Variants in PLCL1 observed in about 807,000 individuals in gnomAD.
PLCL1 encodes inactive phospholipase C-like protein 1.
PLCL1 carries 41 observed loss-of-function variants against 84.4 expected under a neutral mutation model. That is an observed-to-expected ratio of 0.49 (90% CI 0.38 to 0.63). PLCL1 has a LOEUF of 0.63. Ranked by LOEUF, PLCL1 falls within the 30% of genes least tolerant of loss-of-function variation. The probability of loss-of-function intolerance (pLI) is 0.00; values close to 1 mark genes in which losing one functional copy is unlikely to be tolerated. For synonymous variants in PLCL1, 490 were observed against 488.3 expected (o/e 1.00, Z -0.05); for missense variants, 1,206 against 1,367.8 (o/e 0.88, Z 1.87).
At chr2:197,916,121 G>C (rs1688594108) in intron 1 of PLCL1, among the ~76,000 whole-genome samples, 1 of 152,196 alleles carries the variant, frequency 6.6e-6, no homozygotes, top group Non-Finnish European at 1.5e-5. Context: ...TACTTGGTAG[G>C]AGTACATTTT....
chr2:197,915,442 A>G (rs577126785), intron 1 of PLCL1, among the ~76,000 whole-genome samples: 62 of 151,486 alleles, frequency 4.1e-4, no homozygotes, highest in Non-Finnish European at 8.5e-4. Flanking sequence ...GTCAGAAGAC[A>G]CTCTTTCCAA....
At chr2:198,100,832 A>G (rs1200032800) in intron 3 of PLCL1, among the ~76,000 whole-genome samples, 1 of 151,814 alleles carries the variant, frequency 6.6e-6, no homozygotes, top group Non-Finnish European at 1.5e-5. Flanking sequence ...GACAGGGAGG[A>G]TAAAATGGAG....
intron 1 of PLCL1, among the ~76,000 whole-genome samples, chr2:198,002,742 T>C (rs1690632333): frequency 6.6e-6 from 1 of 152,228 alleles, no homozygotes; most frequent in South Asian, 2.1e-4. Context: ...TTGAGTGTTC[T>C]GCTCTTTAGG....
At chr2:198,040,170 T>A (rs1346451012) in intron 1 of PLCL1, among the ~76,000 whole-genome samples, 1 of 152,152 alleles carries the variant, frequency 6.6e-6, no homozygotes, top group Admixed American at 6.6e-5. Context: ...TAGAGCATGC[T>A]GATATTCTCA....
intron 1 of PLCL1, among the ~76,000 whole-genome samples, chr2:198,065,506 A>G (rs1008183985): frequency 1.3e-5 from 2 of 152,152 alleles, no homozygotes; most frequent in African/African-American, 2.4e-5. Flanking sequence ...TGGCTTATCA[A>G]TGATGCATTA....
At chr2:197,962,706 T>G (rs1206454695) in intron 1 of PLCL1, among the ~76,000 whole-genome samples, 1 of 152,026 alleles carries the variant, frequency 6.6e-6, no homozygotes, top group Non-Finnish European at 1.5e-5. Flanking sequence ...AAGTATGATT[T>G]TGTACCCATT....
chr2:197,922,542 G>A (rs1488826892), intron 1 of PLCL1, among the ~76,000 whole-genome samples: 27 of 128,084 alleles, frequency 2.1e-4, no homozygotes, highest in Non-Finnish European at 3.3e-4. Flanking sequence ...CCTCCCAGAC[G>A]GGGTGGTGGC....
intron 1 of PLCL1, among the ~76,000 whole-genome samples, chr2:197,849,667 G>GT (rs1051548361): frequency 7.3e-5 from 6 of 81,910 alleles, no homozygotes; most frequent in South Asian, 1.1e-3. Context: ...ACCTTAAAAT[G>GT]TTTTTTTTCT....
Position 197,951,003 on chromosome 2 carries a change from T to C in PLCL1, c.241-132755T>C, listed in dbSNP as rs570506916. 7.9e-5 allele frequency among the ~76,000 whole-genome samples: 12 copies of C among 152,208 alleles called. No individual in the cohort carries two copies. The South Asian group carries it at 2.3e-3, about 29-fold the overall frequency. ...AAATATTGTATTGTGTTCCCTTCTGTAGAAGTTGCTACTTAGGAGGCTGTT... is the reference window on the plus strand; with the variant it reads ...AAATATTGTATTGTGTTCCCTTCTGCAGAAGTTGCTACTTAGGAGGCTGTT... On this transcript the variant is annotated intron_variant, in intron 1 of 5. Coordinates refer to ENST00000428675, the MANE Select transcript of PLCL1 (RefSeq NM_006226.4).
intron 1 of PLCL1, among the ~76,000 whole-genome samples, chr2:198,030,621 T>C (rs1691387658): frequency 6.6e-6 from 1 of 152,172 alleles, no homozygotes; most frequent in Admixed American, 6.5e-5. Flanking sequence ...ACTATGTGCC[T>C]GAAGTGGTGT....
chr2:197,826,148 C>T (rs974330132), intron 1 of PLCL1, among the ~76,000 whole-genome samples: 7 of 152,322 alleles, frequency 4.6e-5, no homozygotes, highest in Middle Eastern at 3.4e-3. Context: ...CTGCCGCTAT[C>T]TCTTAATCAA....
chr2:198,145,106 G>A (rs1298456883), intron 5 of PLCL1, among the ~76,000 whole-genome samples: 1 of 152,164 alleles, frequency 6.6e-6, no homozygotes, highest in Non-Finnish European at 1.5e-5. Flanking sequence ...CACTGAGCAA[G>A]CACTTCATAT....
At chr2:197,812,244 T>C (rs1257394335) in intron 1 of PLCL1, among the ~76,000 whole-genome samples, 1 of 152,220 alleles carries the variant, frequency 6.6e-6, no homozygotes, top group Non-Finnish European at 1.5e-5. Context: ...TTTTTGCTAT[T>C]GTGAAGAGTG....
intron 1 of PLCL1, among the ~76,000 whole-genome samples, chr2:198,072,904 C>T (rs936956671): frequency 2.0e-5 from 3 of 152,090 alleles, no homozygotes; most frequent in Non-Finnish European, 4.4e-5. Context: ...ATTCACTTCT[C>T]TGGAATTTTA....
At chr2:197,972,193 C>T (rs1008294713) in intron 1 of PLCL1, among the ~76,000 whole-genome samples, 5 of 152,148 alleles carry the variant, frequency 3.3e-5, no homozygotes, top group African/African-American at 1.2e-4. Context: ...AGGGCACATG[C>T]TGAGTAATAT....
chr2:197,912,960 A>T (rs4850440), intron 1 of PLCL1, among the ~76,000 whole-genome samples: 7 of 112,098 alleles, frequency 6.2e-5, no homozygotes, highest in South Asian at 2.9e-4. Context: ...ATAAAAAAAA[A>T]TTAAAAAAAA....
In PLCL1 at chr2:197,901,333, A is replaced by C. The variant is rs147806651; in HGVS notation, c.240+95994A>C. On this transcript the variant is annotated intron_variant, in intron 1 of 5. Transcript: ENST00000428675. ...TCTAGCAGAAAAGGCAAAAATATACAATCTTTTTGATACAGGTCAGTACTG... is the reference window on the plus strand; with the variant it reads ...TCTAGCAGAAAAGGCAAAAATATACCATCTTTTTGATACAGGTCAGTACTG... Among the ~76,000 whole-genome samples the C allele has an allele frequency of 3.8e-3, 583 of 152,364 alleles. 3 individuals carry two copies. Among genetic ancestry groups the C allele is most frequent in the African/African-American group, 0.013 (559 of 41,580 alleles).
intron 1 of PLCL1, among the ~76,000 whole-genome samples, chr2:197,852,797 C>T (rs1008547171): frequency 2.0e-5 from 3 of 152,146 alleles, no homozygotes; most frequent in East Asian, 1.9e-4. Context: ...AATCCCAGAG[C>T]AGCCACTAGG....
chr2:197,885,909 A>G (rs1687914333), intron 1 of PLCL1, among the ~76,000 whole-genome samples: 1 of 152,228 alleles, frequency 6.6e-6, no homozygotes, highest in African/African-American at 2.4e-5. Flanking sequence ...GCACTTGTAC[A>G]GTATCCATTA....
Sources: gnomAD v4.1 joint callset for allele counts (sites outside exome capture counted in the v4.1 genomes callset) on GRCh38, gnomAD v4.1.1 for gene constraint, MANE v1.5 for transcripts, NCBI Gene and HGNC (gene_info 2026-07-23, HGNC 2026-07-21) for gene names.